The following NHSL1 variants were observed in gnomAD, a reference collection of about 807,000 sequenced individuals.
NHSL1 encodes the protein NHS-like protein 1.
Under a neutral mutation model 95.0 loss-of-function variants are expected in NHSL1, and 48 were observed. That is an observed-to-expected ratio of 0.51 (90% confidence interval 0.40 to 0.64). The LOEUF is 0.64. NHSL1 is among the 30% of genes least tolerant of loss of function. The pLI is 0.00. For missense variants in NHSL1, 1,971 were observed against 2,077.7 expected (o/e 0.95, Z 1.00); for synonymous variants, 783 against 833.9 (o/e 0.94, Z 1.05).
In NHSL1 at chr6:138,431,285, G is replaced by A. The variant is rs1226854866; in HGVS notation, c.3060C>T (p.Pro1020=). The A allele has an allele frequency of 1.3e-6, 2 of 1,501,124 alleles. No homozygotes were observed. The highest frequency in any genetic ancestry group is 1.4e-5 in the African/African-American group (1 of 71,586). The allele number at this position is 1,501,124 out of a possible 1,614,324, so 93.0% of individuals were successfully genotyped here. ...TGGGGTCAAGAGGTGGGGCAGGTGG[G>A]GGTTCCGAGGAAGGTAAGAGAGGTG... ...LPPPLLPSSE[P]PPAPPLDPKF... is the part of the protein sequence containing the mutation. Residue 1020 remains proline, a synonymous_variant, in exon 6 of 8, where the codon CCC becomes CCT. Coordinates refer to ENST00000343505, the MANE Select transcript of NHSL1 (RefSeq NM_001144060.2). The surrounding 1 kb of genome is among the most constrained non-coding windows in gnomAD (Gnocchi z 4.0).
chr6:138,483,107 T>C (rs536649013), intron 2 of NHSL1, among the ~76,000 whole-genome samples: 2 of 152,110 alleles, frequency 1.3e-5, no homozygotes, highest in South Asian at 2.1e-4. Flanking sequence ...TAAAGAGAAG[T>C]AGAAATAAAA....
chr6:138,533,934 T>C (rs1782236756), intron 1 of NHSL1, among the ~76,000 whole-genome samples: 1 of 152,244 alleles, frequency 6.6e-6, no homozygotes, highest in Non-Finnish European at 1.5e-5. Context: ...TTGTTCTGAA[T>C]GTTTAAATTT....
chr6:138,503,729 T>G (rs920288764), upstream of NHSL1, among the ~76,000 whole-genome samples: 2 of 152,168 alleles, frequency 1.3e-5, no homozygotes, highest in African/African-American at 4.8e-5. Flanking sequence ...AACCTTCATT[T>G]CTATTATCTT....
intron 1 of NHSL1, among the ~76,000 whole-genome samples, chr6:138,631,108 T>C (rs1770809015): frequency 6.6e-6 from 1 of 152,106 alleles, no homozygotes; most frequent in Non-Finnish European, 1.5e-5. Flanking sequence ...TGCTCTGCTA[T>C]AGCAGAAAGA....
At chr6:138,617,070 AT>A (rs1470628909) in intron 1 of NHSL1, among the ~76,000 whole-genome samples, 2 of 152,246 alleles carry the variant, frequency 1.3e-5, no homozygotes, top group Admixed American at 1.3e-4. Flanking sequence ...TATGGTTCAC[AT>A]AAAGCAATAA....
chr6:138,665,885 AAGCCCC>A, intron 1 of NHSL1, among the ~76,000 whole-genome samples: 1 of 152,322 alleles, frequency 6.6e-6, no homozygotes. Context: ...TCCCCAGTTT[AAGCCCC>A]AGGCTCTCTC....
Position 138,431,214 on chromosome 6 carries a change from G to A in NHSL1, c.3131C>T (p.Pro1044Leu), listed in dbSNP as rs1275128843. 1.3e-6 allele frequency: 2 copies of A among 1,532,542 alleles called. No individual in the cohort carries two copies. Among genetic ancestry groups the A allele is most frequent in the African/African-American group, 2.8e-5 (2 of 72,452 alleles). 94.9% of individuals were successfully genotyped at this position (1,532,542 alleles called of 1,614,324 possible). The change falls in exon 6 of 8, where the codon CCA becomes CTA. Residue 1044 changes from proline to leucine, a missense_variant. By Grantham distance (98) the Pro-to-Leu change is moderately conservative. Coordinates refer to ENST00000343505, the MANE Select transcript of NHSL1 (RefSeq NM_001144060.2). This position sits in a 1 kb window ranked among gnomAD's most constrained non-coding sequence, Gnocchi z 4.0. ...TRPPFTNSGQ[P>L]ESSRGSLRPP... ...CCTCAAGGATCCCCGGGAGGATTCTGGCTGGCCAGAATTTGTGAAAGGCGG... is the reference window on the plus strand; with the variant it reads ...CCTCAAGGATCCCCGGGAGGATTCTAGCTGGCCAGAATTTGTGAAAGGCGG...
chr6:138,496,278 G>C lies in NHSL1; in HGVS notation c.152C>G (p.Pro51Arg), dbSNP rs1210240715. 7 of 1,550,846 alleles carry C rather than the reference G, an allele frequency of 4.5e-6. No individual in the cohort carries two copies. Among genetic ancestry groups the C allele is most frequent in the Non-Finnish European group, 6.1e-6 (7 of 1,146,888 alleles). ...GCGGTGCAGGTCCTCAACACAGGGG[G>C]GTCTTGTGGTGGGAAGGAACACATT... The part of the protein sequence containing the change: ...QENVFLPTTR[P>R]PCVEDLHRQA... The change falls in exon 2 of 8, where the codon CCC becomes CGC. Residue 51 changes from proline to arginine, a missense_variant. Physicochemically the swap from Pro to Arg is moderately radical, Grantham distance 103. Coordinates refer to ENST00000343505, the MANE Select transcript of NHSL1 (RefSeq NM_001144060.2).
At chr6:138,457,901 G>A (rs1024006646) in intron 3 of NHSL1, among the ~76,000 whole-genome samples, 2 of 151,818 alleles carry the variant, frequency 1.3e-5, no homozygotes, top group Admixed American at 6.6e-5. Context: ...CCAGCTACTC[G>A]GGAGGCTGAG....
At chr6:138,610,542 TAA>T (rs1275593505) in intron 1 of NHSL1, among the ~76,000 whole-genome samples, 24 of 106,074 alleles carry the variant, frequency 2.3e-4, no homozygotes, top group South Asian at 2.8e-4. Flanking sequence ...AGTATAATAA[TAA>T]AAAAATATAT....
chr6:138,646,948 T>C (rs1242474938), intron 1 of NHSL1, among the ~76,000 whole-genome samples: 1 of 152,208 alleles, frequency 6.6e-6, no homozygotes, highest in Non-Finnish European at 1.5e-5. Flanking sequence ...ATAAATGAAT[T>C]ATGAGACATG....
chr6:138,613,262 G>A (rs76778110), intron 1 of NHSL1, among the ~76,000 whole-genome samples: 8 of 152,096 alleles, frequency 5.3e-5, no homozygotes, highest in Admixed American at 2.0e-4. Context: ...AAGTTTTCAC[G>A]GTTTCTGATC....
Position 138,666,814 on chromosome 6 carries a change from T to C in NHSL1, c.96+25662A>G, listed in dbSNP as rs565417330. Among the ~76,000 whole-genome samples, 872 of 152,270 alleles carry C rather than the reference T, an allele frequency of 5.7e-3. 5 individuals are homozygous for C. The highest frequency in any genetic ancestry group is 9.9e-3 in the Non-Finnish European group (672 of 68,022). ...TGGACACTCAAATGTTGACGATGAC[T>C]CGCTCTGAAGAGAGGCATGCAGGGC... On this transcript the variant is annotated intron_variant, in intron 1 of 3. Transcript: ENST00000491526.
At chr6:138,638,475 C>T (rs184620141) in intron 1 of NHSL1, among the ~76,000 whole-genome samples, 1 of 152,100 alleles carries the variant, frequency 6.6e-6, no homozygotes, top group Non-Finnish European at 1.5e-5. Flanking sequence ...ACTTACTATG[C>T]ACCCACAAAA....
chr6:138,507,291 G>A (rs1028538098), intron 1 of NHSL1, among the ~76,000 whole-genome samples: 23 of 152,098 alleles, frequency 1.5e-4, no homozygotes, highest in African/African-American at 5.3e-4. Context: ...CCAGGTTATA[G>A]GAAATAAAAG....
intron 1 of NHSL1, among the ~76,000 whole-genome samples, chr6:138,600,838 T>C (rs1784361591): frequency 6.6e-6 from 1 of 152,210 alleles, no homozygotes; most frequent in South Asian, 2.1e-4. Flanking sequence ...CAACATGTTC[T>C]TTAGAAAATT....
intron 4 of NHSL1, among the ~76,000 whole-genome samples, chr6:138,444,657 A>G (rs993515296): frequency 6.6e-6 from 1 of 151,912 alleles, no homozygotes; most frequent in African/African-American, 2.4e-5. Flanking sequence ...GAACGAGCAC[A>G]TGACAGTTCC....
intron 1 of NHSL1, among the ~76,000 whole-genome samples, chr6:138,510,294 G>C (rs139990298): frequency 2.0e-4 from 30 of 152,250 alleles, no homozygotes; most frequent in South Asian, 2.1e-4. Flanking sequence ...TTTGTTAAGA[G>C]GACAGCTGGT....
chr6:138,500,026 A>G (rs1229061317), upstream of NHSL1, among the ~76,000 whole-genome samples: 4 of 152,152 alleles, frequency 2.6e-5, no homozygotes, highest in African/African-American at 9.7e-5. Context: ...ATTGAGAATC[A>G]GCATTGTGTG....
Sources: allele counts gnomAD v4.1 joint callset (sites outside exome capture counted in the v4.1 genomes callset), GRCh38; gene constraint gnomAD v4.1.1; non-coding constraint Gnocchi (gnomAD v3.1); transcripts MANE v1.5; gene names NCBI Gene and HGNC (gene_info 2026-07-23, HGNC 2026-07-21).